Variants in MRGPRE observed in about 807,000 individuals in gnomAD.
MRGPRE encodes MAS related GPR family member E.
For missense variants in MRGPRE, 466 were observed against 433.4 expected (o/e 1.08, Z -0.67); for synonymous variants, 229 against 206.7 (o/e 1.11, Z -0.92).
rs895193357 is a variant in MRGPRE at position 3,226,854 on chromosome 11, G to C, written c.*1007C>G. Among the ~76,000 whole-genome samples the C allele has an allele frequency of 2.0e-5, 3 of 152,210 alleles. No individual in the cohort carries two copies. The highest frequency in any genetic ancestry group is 2.0e-4 in the Admixed American group (3 of 15,290). ...TACAGACCAGCAAACAGAGGCGTAG[G>C]GATGTTCAGAGATGGCCTTGGCAGC... On this transcript the variant is annotated 3_prime_UTR_variant, in exon 2 of 2. Coordinates refer to ENST00000389832, the MANE Select transcript of MRGPRE (RefSeq NM_001039165.4).
rs545991490 is a variant in MRGPRE at position 3,225,574 on chromosome 11, G to A, written c.*2287C>T. On this transcript the variant is annotated 3_prime_UTR_variant, in exon 2 of 2. Coordinates refer to ENST00000389832, the MANE Select transcript of MRGPRE (RefSeq NM_001039165.4). ...GCAGGCTGGGCAGGGGCAGGTGGGAGCCTGGACGGAAGCTCAGCCTCCAGT... is the reference window on the plus strand; with the variant it reads ...GCAGGCTGGGCAGGGGCAGGTGGGAACCTGGACGGAAGCTCAGCCTCCAGT... 8.4e-4 allele frequency among the ~76,000 whole-genome samples: 128 copies of A among 152,294 alleles called. No individual in the cohort carries two copies. The highest frequency in any genetic ancestry group is 1.1e-3 in the Non-Finnish European group (74 of 68,008).
In MRGPRE at chr11:3,228,251, C is replaced by A; in HGVS notation, c.549G>T (p.Val183=). ...LCRTLWLVAA[V]LLALLCCTMC... ...TGGTGCAACACAGCAGAGCCAGCAG[C>A]ACCGCTGCCACCAGCCACAGCGTCC... is the stretch of plus-strand genomic sequence containing the variant. The change falls in exon 2 of 2, where the codon GTG becomes GTT. Residue 183 remains valine, a synonymous_variant. Coordinates refer to ENST00000389832, the MANE Select transcript of MRGPRE (RefSeq NM_001039165.4). 6.4e-7 allele frequency: 1 copy of A among 1,551,148 alleles called. No individual in the cohort carries two copies. Among genetic ancestry groups the A allele is most frequent in the Non-Finnish European group, 8.7e-7 (1 of 1,149,634 alleles).
intron 1 of MRGPRE, 129 bp downstream of exon 1, chr11:3,232,012 G>C (rs1837528757): frequency 6.6e-6 from 1 of 152,430 alleles, no homozygotes; most frequent in Non-Finnish European, 1.5e-5. Context: ...AGAGCTCCCT[G>C]TTGATAGCAT....
chr11:3,230,774 T>C lies in MRGPRE; in HGVS notation c.-62+1367A>G, dbSNP rs2134632339. Reference sequence around the variant, plus strand: ...GATATAGGGCTCTTCCTCCTGTCCCTGTGCTCCATCCTAGCACCCAAGGCC... The same window carrying C: ...GATATAGGGCTCTTCCTCCTGTCCCCGTGCTCCATCCTAGCACCCAAGGCC... On this transcript the variant is annotated intron_variant, in intron 1 of 1. Coordinates refer to ENST00000389832, the MANE Select transcript of MRGPRE (RefSeq NM_001039165.4). This position sits in a 1 kb window ranked among gnomAD's most constrained non-coding sequence, Gnocchi z 5.5. 6.6e-6 allele frequency among the ~76,000 whole-genome samples: 1 copy of C among 152,248 alleles called. No individual in the cohort carries two copies. Among genetic ancestry groups the C allele is most frequent in the East Asian group, 1.9e-4 (1 of 5,160 alleles).
rs537649028 is a variant in MRGPRE, at chr11:3,228,016, A to C, written c.784T>G (p.Cys262Gly). The change falls in exon 2 of 2, where the codon TGC becomes GGC. Residue 262 changes from cysteine to glycine, a missense_variant. By Grantham distance (159) the Cys-to-Gly change is radical. Coordinates refer to ENST00000389832, the MANE Select transcript of MRGPRE (RefSeq NM_001039165.4). ...HFSFLMAAVH[C>G]AAKPVVYFCL... ...AAGTAGACGACGGGCTTGGCCGCGC[A>C]GTGCACGGCGGCCATGAGGAAGCTG... 2 of 1,606,336 alleles carry C rather than the reference A, an allele frequency of 1.2e-6. No individual in the cohort carries two copies. The highest frequency in any genetic ancestry group is 1.7e-5 in the Admixed American group (1 of 59,178).
chr11:3,228,100 C>A lies in MRGPRE; in HGVS notation c.700G>T (p.Gly234Cys). Reference sequence around the variant, plus strand: ...AGGTTCCGGGACAGCCAGTAGATGCCGAAGGGCAGGCCGCAGAAGAGGAAG... The same window carrying A: ...AGGTTCCGGGACAGCCAGTAGATGCAGAAGGGCAGGCCGCAGAAGAGGAAG... ...LLFLFCGLPF[G>C]IYWLSRNLLW... Residue 234 changes from glycine to cysteine, a missense_variant, in exon 2 of 2, where the codon GGC (glycine) becomes TGC (cysteine). Physicochemically the swap from Gly to Cys is radical, Grantham distance 159 (BLOSUM62 -3). Coordinates refer to ENST00000389832, the MANE Select transcript of MRGPRE (RefSeq NM_001039165.4). 1 of 1,600,698 alleles carries A rather than the reference C, an allele frequency of 6.2e-7. No homozygotes were observed. The highest frequency in any genetic ancestry group is 8.5e-7 in the Non-Finnish European group (1 of 1,174,120).
chr11:3,228,889 C>CA, intron 1 of MRGPRE, 29 bp from the exon 2 acceptor site: 1 of 1,078,654 alleles, frequency 9.3e-7, no homozygotes. Context: ...GAGTCTGGGG[C>CA]TCAGGAATCC....
At position 3,230,850 on chromosome 11, in the gene MRGPRE, C is replaced by T. The variant is rs543063108; in HGVS notation, c.-62+1291G>A. 1.3e-5 allele frequency among the ~76,000 whole-genome samples: 2 copies of T among 152,134 alleles called. No individual in the cohort carries two copies. The highest frequency in any genetic ancestry group is 2.1e-4 in the South Asian group (1 of 4,818). The stretch of plus-strand genomic sequence containing the variant: ...GGTGAGGTGGTGGTGGAGGGAGCCC[C>T]ACCTGGGCCAGCATCATCAGGAGGA... On this transcript the variant is annotated intron_variant, in intron 1 of 1. Coordinates refer to ENST00000389832, the MANE Select transcript of MRGPRE (RefSeq NM_001039165.4). The surrounding 1 kb of genome is among the most constrained non-coding windows in gnomAD (Gnocchi z 5.5).
intron 1 of MRGPRE, 62 bp from the exon 2 acceptor site, chr11:3,228,922 T>C (rs942469958): frequency 5.2e-6 from 4 of 765,672 alleles, no homozygotes; most frequent in Admixed American, 5.9e-5. Context: ...CCTCCCCACA[T>C]CAGGGGAGAT....
rs556150847 is a variant in MRGPRE at position 3,226,914 on chromosome 11, G to A, written c.*947C>T. On this transcript the variant is annotated 3_prime_UTR_variant, in exon 2 of 2. Coordinates refer to ENST00000389832, the MANE Select transcript of MRGPRE (RefSeq NM_001039165.4). ...TGGCTAGCGGGGCTCAGCCCAGGCT[G>A]TGGGCTCCAAAGCCCCCACTCTAGC... is the stretch of plus-strand genomic sequence containing the variant. Among the ~76,000 whole-genome samples, 114 of 152,196 alleles carry A rather than the reference G, an allele frequency of 7.5e-4. No homozygotes were observed. The highest frequency in any genetic ancestry group is 1.6e-3 in the Admixed American group (24 of 15,306).
Position 3,228,475 on chromosome 11 carries a change from C to G in MRGPRE, c.325G>C (p.Val109Leu), listed in dbSNP as rs371485588. The change falls in exon 2 of 2, where the codon GTG (valine) becomes CTG (leucine). Residue 109 changes from valine to leucine, a missense_variant. Val to Leu is a conservative substitution (Grantham distance 32). Transcript: ENST00000389832. Reference sequence around the variant, plus strand: ...ACGGCCGCCAGGAGACTCAGGCCCACGATGTAGCAGAAGAAGCGCAGCGTT... The same window carrying G: ...ACGGCCGCCAGGAGACTCAGGCCCAGGATGTAGCAGAAGAAGCGCAGCGTT... The part of the protein sequence containing the change: ...LATLRFFCYI[V>L]GLSLLAAVSV... The G allele has an allele frequency of 1.2e-6, 2 of 1,613,060 alleles. No homozygotes were observed. The highest frequency in any genetic ancestry group is 3.3e-5 in the Admixed American group (2 of 60,006).
chr11:3,227,631 C>T lies in MRGPRE; in HGVS notation c.*230G>A. 1 of 432,646 alleles carries T rather than the reference C, an allele frequency of 2.3e-6. No individual in the cohort carries two copies. The highest frequency in any genetic ancestry group is 4.0e-6 in the Non-Finnish European group (1 of 247,314). 26.8% of individuals were successfully genotyped at this position (432,646 alleles called of 1,614,324 possible). On this transcript the variant is annotated 3_prime_UTR_variant, in exon 2 of 2. Transcript: ENST00000389832. ...AAAATGCACGTTCCTCGGCCTTCTC[C>T]CCAGAGACCCGGCCCGCCTGCCTGG...
At position 3,229,447 on chromosome 11, in the gene MRGPRE, G is replaced by A. The variant is rs146978827; in HGVS notation, c.-61-587C>T. 1.6e-3 allele frequency among the ~76,000 whole-genome samples: 251 copies of A among 152,190 alleles called. 2 individuals carry two copies. Among genetic ancestry groups the A allele is most frequent in the African/African-American group, 5.5e-3 (230 of 41,502 alleles). On this transcript the variant is annotated intron_variant, in intron 1 of 1. Transcript: ENST00000389832. The surrounding 1 kb of genome is among the most constrained non-coding windows in gnomAD (Gnocchi z 4.4). The stretch of plus-strand genomic sequence containing the variant: ...TCACCATATTGGCCAGGCTGGTCTC[G>A]AACTCCTGACCTCGTGATCCGCCTG...
At position 3,230,615 on chromosome 11, in the gene MRGPRE, G is replaced by C. The variant is rs72848265; in HGVS notation, c.-62+1526C>G. Among the ~76,000 whole-genome samples, 31,898 of 151,818 alleles carry C rather than the reference G, an allele frequency of 0.21. 3,835 individuals are homozygous for C. Among genetic ancestry groups the C allele is most frequent in the African/African-American group, 0.32 (13,340 of 41,366 alleles). On this transcript the variant is annotated intron_variant, in intron 1 of 1. Coordinates refer to ENST00000389832, the MANE Select transcript of MRGPRE (RefSeq NM_001039165.4). The surrounding 1 kb of genome is among the most constrained non-coding windows in gnomAD (Gnocchi z 5.5). ...TGGGGTGAAATGACAGCCTGAGGTT[G>C]TCCCCGCCTCAGGGGTGGGCATGGG...
rs1279237544 is a variant in MRGPRE, at chr11:3,230,439, A to G, written c.-61-1579T>C. ...CTCCCTCCAGTGATAGGAGCACCCGAGACCATGCAGGGGGACGCTGCGGTG... is the reference window on the plus strand; with the variant it reads ...CTCCCTCCAGTGATAGGAGCACCCGGGACCATGCAGGGGGACGCTGCGGTG... On this transcript the variant is annotated intron_variant, in intron 1 of 1. Coordinates refer to ENST00000389832, the MANE Select transcript of MRGPRE (RefSeq NM_001039165.4). The surrounding 1 kb of genome is among the most constrained non-coding windows in gnomAD (Gnocchi z 5.5). Among the ~76,000 whole-genome samples the G allele has an allele frequency of 6.6e-6, 1 of 152,150 alleles. No homozygotes were observed. Among genetic ancestry groups the G allele is most frequent in the African/African-American group, 2.4e-5 (1 of 41,430 alleles).
rs534174160 is a variant in MRGPRE at position 3,225,425 on chromosome 11, G to A, written c.*2436C>T. Reference sequence around the variant, plus strand: ...CTTTGCCTGCGACCCAGGTGGAGGTGGCCTTTGAGCAGTGAGGCCCCAGGG... The same window carrying A: ...CTTTGCCTGCGACCCAGGTGGAGGTAGCCTTTGAGCAGTGAGGCCCCAGGG... On this transcript the variant is annotated 3_prime_UTR_variant, in exon 2 of 2. Transcript: ENST00000389832. Among the ~76,000 whole-genome samples, 14 of 152,362 alleles carry A rather than the reference G, an allele frequency of 9.2e-5. No homozygotes were observed. Among genetic ancestry groups the A allele is most frequent in the Admixed American group, 2.6e-4 (4 of 15,314 alleles).
Position 3,228,829 on chromosome 11 carries a change from GTGTGTTCTGCTCGCTCTCT to G in MRGPRE, c.-49_-31del. The G allele has an allele frequency of 6.5e-7, 1 of 1,546,522 alleles. No individual in the cohort carries two copies. Among genetic ancestry groups the G allele is most frequent in the South Asian group, 1.2e-5 (1 of 85,092 alleles). On this transcript the variant is annotated 5_prime_UTR_variant, in exon 2 of 2. Coordinates refer to ENST00000389832, the MANE Select transcript of MRGPRE (RefSeq NM_001039165.4). ...CGGGGGGCCAGGGGATGCTGCAGGA[GTGTGTTCTGCTCGCTCTCT>G]CTCCTGATGCCCCTGTAAACCACAA... is the stretch of plus-strand genomic sequence containing the variant.
chr11:3,228,454 C>T lies in MRGPRE; in HGVS notation c.346G>A (p.Ala116Thr). ...GCCAGGCACTGCTCCACGCTGACGG[C>T]CGCCAGGAGACTCAGGCCCACGATG... ...CYIVGLSLLA[A>T]VSVEQCLAAL... The change falls in exon 2 of 2, where the codon GCC (alanine) becomes ACC (threonine). Residue 116 changes from alanine to threonine, a missense_variant. Transcript: ENST00000389832. 1 of 1,612,158 alleles carries T rather than the reference C, an allele frequency of 6.2e-7. No homozygotes were observed. The highest frequency in any genetic ancestry group is 8.5e-7 in the Non-Finnish European group (1 of 1,179,802).
Position 3,225,094 on chromosome 11 carries a change from A to C in MRGPRE, c.*2767T>G, listed in dbSNP as rs553261404. Among the ~76,000 whole-genome samples, 2 of 152,342 alleles carry C rather than the reference A, an allele frequency of 1.3e-5. No individual in the cohort carries two copies. Among genetic ancestry groups the C allele is most frequent in the African/African-American group, 4.8e-5 (2 of 41,576 alleles). The stretch of plus-strand genomic sequence containing the variant: ...GTGTGAGCTAATGAACTAGCTGAGG[A>C]GTGAGCCTGCCTCTCCCCGTGAAGA... On this transcript the variant is annotated 3_prime_UTR_variant, in exon 2 of 2. Coordinates refer to ENST00000389832, the MANE Select transcript of MRGPRE (RefSeq NM_001039165.4).
Sources: allele counts gnomAD v4.1 joint callset (sites outside exome capture counted in the v4.1 genomes callset), GRCh38; gene constraint gnomAD v4.1.1; non-coding constraint Gnocchi (gnomAD v3.1); transcripts MANE v1.5; gene names NCBI Gene and HGNC (gene_info 2026-07-23, HGNC 2026-07-21).